PTGS2: variants seen among roughly 807,000 people sequenced by gnomAD.
The protein encoded by PTGS2 is prostaglandin-endoperoxide synthase 2.
PTGS2 carries 14 observed loss-of-function variants against 63.8 expected under a neutral mutation model. The ratio of observed to expected loss-of-function variants is 0.22; its 90% CI spans 0.14 to 0.34. The LOEUF (loss-of-function observed/expected upper bound fraction) is 0.34. PTGS2 is among the 10% of genes least tolerant of loss of function. The pLI, the probability that PTGS2 is intolerant of heterozygous loss-of-function variation, is 1.00. For synonymous variants in PTGS2, 271 were observed against 259.5 expected, an observed-to-expected ratio of 1.04 and a Z score of -0.43; for missense variants, 533 against 738.5, an observed-to-expected ratio of 0.72 and a Z score of 3.23.
intron 4 of PTGS2, 64 bp from the exon 5 acceptor site, chr1:186,677,894 T>A: frequency 1.4e-6 from 2 of 1,452,474 alleles, no homozygotes; most frequent in Non-Finnish European, 1.9e-6. Context: ...ATGGTGACTG[T>A]CAATCTACCA....
rs1005909486 is a variant in PTGS2, at chr1:186,674,701, C to A, written c.1467G>T (p.Leu489=). ...ALYGDIDAVE[L]YPALLVEKPR... Reference sequence around the variant, plus strand: ...GCTTTTCTACCAGAAGGGCAGGATACAGCTCCACAGCATCGATGTCACCAT... The same window carrying A: ...GCTTTTCTACCAGAAGGGCAGGATAAAGCTCCACAGCATCGATGTCACCAT... Residue 489 remains leucine (L), a synonymous_variant, in exon 10 of 10, where the codon CTG becomes CTT. Transcript: ENST00000367468. The A allele has an allele frequency of 8.1e-6, 13 of 1,614,088 alleles. No individual in the cohort carries two copies. Among genetic ancestry groups the A allele is most frequent in the Non-Finnish European group, 1.1e-5 (13 of 1,180,026 alleles).
chr1:186,678,447 G>T (rs1236055405), intron 3 of PTGS2, 43 bp from the exon 4 acceptor site: 2 of 1,505,160 alleles, frequency 1.3e-6, no homozygotes, highest in African/African-American at 1.4e-5. Flanking sequence ...ATTCTCATTT[G>T]TTAAGTAAAT....
rs957513961 is a variant in PTGS2 at position 186,673,355 on chromosome 1, C to G, written c.*998G>C. On this transcript the variant is annotated 3_prime_UTR_variant, in exon 10 of 10. Coordinates refer to ENST00000367468, the MANE Select transcript of PTGS2 (RefSeq NM_000963.4). ...TCATAGCAAAATCTGAGTACCAGGC[C>G]TGCAGTGCACAAGGATAAAAAAAAG... 6.6e-6 allele frequency: 1 copy of G among 152,094 alleles called. No homozygotes were observed. Among genetic ancestry groups the G allele is most frequent in the African/African-American group, 2.4e-5 (1 of 41,416 alleles). The allele number at this position is 152,094 out of a possible 1,614,324, so 9.4% of individuals were successfully genotyped here. A position where few individuals can be genotyped will look rare whatever the true frequency, so the allele number is the denominator to read the frequency against.
In PTGS2 at chr1:186,673,329, C is replaced by T. The variant is rs530994465; in HGVS notation, c.*1024G>A. On this transcript the variant is annotated 3_prime_UTR_variant, in exon 10 of 10. Coordinates refer to ENST00000367468, the MANE Select transcript of PTGS2 (RefSeq NM_000963.4). The stretch of plus-strand genomic sequence containing the variant: ...AAGCACAGCTTGGTACTTCATTAAC[C>T]TCATAGCAAAATCTGAGTACCAGGC... The T allele has an allele frequency of 5.9e-5, 9 of 152,218 alleles. No homozygotes were observed. Among genetic ancestry groups the T allele is most frequent in the African/African-American group, 1.9e-4 (8 of 41,530 alleles). The allele number at this position is 152,218 out of a possible 1,614,324, so 9.4% of individuals were successfully genotyped here.
chr1:186,676,676 T>A lies in PTGS2; in HGVS notation c.761A>T (p.Asp254Val), dbSNP rs1171417967. The change falls in exon 7 of 10, where the codon GAT becomes GTT. Residue 254 changes from aspartate (D) to valine (V), a missense_variant. Physicochemically the swap from Asp to Val is radical, Grantham distance 152 (BLOSUM62 -3). This residue lies in a region of PTGS2 where 118 missense variants were observed against 138.7 expected (regional missense o/e 0.85). Coordinates refer to ENST00000367468, the MANE Select transcript of PTGS2 (RefSeq NM_000963.4). ...DGEMYPPTVK[D>V]TQAEMIYPPQ... ...AGGGTAGATCATCTCTGCCTGAGTA[T>A]CTTTGACTGTGGGAGGATACATCTC... 4 of 1,613,824 alleles carry A rather than the reference T, an allele frequency of 2.5e-6. No individual in the cohort carries two copies. The highest frequency in any genetic ancestry group is 1.3e-5 in the African/African-American group (1 of 74,902).
At position 186,674,203 on chromosome 1, in the gene PTGS2, T is replaced by C. The variant is rs1665738620; in HGVS notation, c.*150A>G. 1.4e-5 allele frequency: 6 copies of C among 435,548 alleles called. No individual in the cohort carries two copies. Among genetic ancestry groups the C allele is most frequent in the South Asian group, 1.2e-4 (1 of 8,482 alleles). 27.0% of individuals were successfully genotyped at this position (435,548 alleles called of 1,614,324 possible). A position where few individuals can be genotyped will look rare whatever the true frequency, so the allele number is the denominator to read the frequency against. On this transcript the variant is annotated 3_prime_UTR_variant, in exon 10 of 10. Transcript: ENST00000367468. ...CTTTAGAGTAGTGACATAAAAGTCT[T>C]CACAAGTATGACTCCTTTCTCCGCA...
At chr1:186,677,988 C>A (rs892153358) in intron 4 of PTGS2, among the ~76,000 whole-genome samples, 158 bp from the exon 5 acceptor site, 5 of 152,134 alleles carry the variant, frequency 3.3e-5, no homozygotes, top group African/African-American at 1.2e-4. Context: ...GGAACAACTT[C>A]TTACTGAATG....
intron 4 of PTGS2, 102 bp from the exon 5 acceptor site, chr1:186,677,932 A>G (rs1197497486): frequency 1.8e-6 from 2 of 1,114,700 alleles, no homozygotes; most frequent in East Asian, 2.6e-5. Flanking sequence ...TGAGAATTAC[A>G]ATTGTGAATA....
In PTGS2 at chr1:186,675,937, G is replaced by T. The variant is rs1419359878; in HGVS notation, c.1218C>A (p.Thr406=). ...NNSILLEHGI[T]QFVESFTRQI... Reference sequence around the variant, plus strand: ...GCCTGGTGAATGATTCAACAAACTGGGTAATTCCATGTTCCAGCAATATAG... The same window carrying T: ...GCCTGGTGAATGATTCAACAAACTGTGTAATTCCATGTTCCAGCAATATAG... The change falls in exon 8 of 10, where the codon ACC becomes ACA. Residue 406 remains threonine, a synonymous_variant. Transcript: ENST00000367468. 2 of 1,613,804 alleles carry T rather than the reference G, an allele frequency of 1.2e-6. No homozygotes were observed. Among genetic ancestry groups the T allele is most frequent in the East Asian group, 4.5e-5 (2 of 44,852 alleles).
At position 186,679,072 on chromosome 1, in the gene PTGS2, C is replaced by T. The variant is rs1378833561; in HGVS notation, c.299G>A (p.Ser100Asn). Reference sequence around the variant, plus strand: ...CTTGTACTTACATGTCAACACATAACTCATAATTGCATTTCGAAGGAAGGG... The same window carrying T: ...CTTGTACTTACATGTCAACACATAATTCATAATTGCATTTCGAAGGAAGGG... ...NIPFLRNAIM[S>N]YVLTSRSHLI... Residue 100 changes from serine to asparagine, a missense_variant, in exon 3 of 10, where the codon AGT becomes AAT. Around this residue, in one of 5 missense-constraint regions of PTGS2, gnomAD observed 118 missense variants for 144.6 expected, o/e 0.82. Coordinates refer to ENST00000367468, the MANE Select transcript of PTGS2 (RefSeq NM_000963.4). 1 of 1,613,762 alleles carries T rather than the reference C, an allele frequency of 6.2e-7. No homozygotes were observed.
At chr1:186,676,940 A>G in intron 5 of PTGS2, 24 bp from the exon 6 acceptor site, 5 of 1,572,696 alleles carry the variant, frequency 3.2e-6, no homozygotes, top group Non-Finnish European at 4.3e-6. Flanking sequence ...AAAAAATTTT[A>G]ATTTGTTGCT....
chr1:186,679,407 G>A lies in PTGS2; in HGVS notation c.84C>T (p.Asn28=), dbSNP rs1366501556. 2.5e-6 allele frequency: 4 copies of A among 1,613,980 alleles called. No homozygotes were observed. The highest frequency in any genetic ancestry group is 3.4e-6 in the Non-Finnish European group (4 of 1,180,018). Residue 28 remains asparagine, a synonymous_variant, in exon 2 of 10, where the codon AAC becomes AAT. Transcript: ENST00000367468. ...ANPCCSHPCQ[N]RGVCMSVGFD... is the part of the protein sequence containing the mutation. ...ATCCCACACTCATACATACACCTCG[G>A]TTTTGACATGGGTGGGAACAGCAAG...
rs753987791 is a variant in PTGS2 at position 186,676,630 on chromosome 1, T to C, written c.807A>G (p.Leu269=). ...AGACCTCCTGCCCCACAGCAAACCG[T>C]AGATGCTCAGGGACTTGAGGAGGGT... ...MIYPPQVPEH[L]RFAVGQEVFG... Residue 269 remains leucine (L), a synonymous_variant, in exon 7 of 10, where the codon CTA becomes CTG. Coordinates refer to ENST00000367468, the MANE Select transcript of PTGS2 (RefSeq NM_000963.4). 1.2e-6 allele frequency: 2 copies of C among 1,614,016 alleles called. No individual in the cohort carries two copies. The highest frequency in any genetic ancestry group is 1.7e-5 in the Admixed American group (1 of 59,994).
Position 186,680,278 on chromosome 1 carries a change from C to A in PTGS2, c.13G>T (p.Ala5Ser). MLAR[A>S]LLLCAVLALS... ...GCCAGGACCGCGCACAGCAGCAGGG[C>A]GCGGGCGAGCATCGCAGCGGCGGGC... Residue 5 changes from alanine (A) to serine (S), a missense_variant, in exon 1 of 10, where the codon GCC becomes TCC. Transcript: ENST00000367468. The A allele has an allele frequency of 1.3e-6, 2 of 1,544,338 alleles. No homozygotes were observed. The highest frequency in any genetic ancestry group is 1.7e-6 in the Non-Finnish European group (2 of 1,143,810).
rs1168880845 is a variant in PTGS2 at position 186,674,635 on chromosome 1, A to G, written c.1533T>C (p.Val511=). 6.2e-7 allele frequency: 1 copy of G among 1,614,216 alleles called. No individual in the cohort carries two copies. Among genetic ancestry groups the G allele is most frequent in the South Asian group, 1.1e-5 (1 of 91,084 alleles). Residue 511 remains valine, a synonymous_variant, in exon 10 of 10, where the codon GTT becomes GTC. Coordinates refer to ENST00000367468, the MANE Select transcript of PTGS2 (RefSeq NM_000963.4). The part of the protein sequence containing the change: ...DAIFGETMVE[V]GAPFSLKGLM... ...GTCCTTTCAAGGAGAATGGTGCTCC[A>G]ACTTCTACCATGGTTTCACCAAAGA...
rs1665702981 is a variant in PTGS2, at chr1:186,672,314, C to T, written c.*2039G>A. 1 of 152,124 alleles carries T rather than the reference C, an allele frequency of 6.6e-6. No individual in the cohort carries two copies. 9.4% of individuals were successfully genotyped at this position (152,124 alleles called of 1,614,324 possible). On this transcript the variant is annotated 3_prime_UTR_variant, in exon 10 of 10. Transcript: ENST00000367468. ...ATTTTAAAAGGTCAGTCTTATGGCA[C>T]ATTCAGGCTAATGAGACAATATTCT...
chr1:186,678,475 G>C (rs555227121), intron 3 of PTGS2, 71 bp from the exon 4 acceptor site: 1 of 1,396,408 alleles, frequency 7.2e-7, no homozygotes, highest in Admixed American at 2.5e-5. Context: ...TATTTTTATT[G>C]TAAAATGTGG....
intron 8 of PTGS2, 190 bp downstream of exon 8, chr1:186,675,708 C>T (rs1166580947): frequency 1.5e-6 from 1 of 662,142 alleles, no homozygotes; most frequent in African/African-American, 1.8e-5. Flanking sequence ...TGCTATTTGT[C>T]TGACAACTGT....
rs1665736363 is a variant in PTGS2, at chr1:186,674,081, A to G, written c.*272T>C. ...TCTTTACTTTCGTTCTTATAATATA[A>G]GTTGAAATTCAAGTAAAAAGACGTC... is the stretch of plus-strand genomic sequence containing the variant. On this transcript the variant is annotated 3_prime_UTR_variant, in exon 10 of 10. Transcript: ENST00000367468. The G allele has an allele frequency of 1.1e-5, 2 of 178,692 alleles. No individual in the cohort carries two copies. The highest frequency in any genetic ancestry group is 4.7e-5 in the African/African-American group (2 of 42,214). The allele number at this position is 178,692 out of a possible 1,614,324, so 11.1% of individuals were successfully genotyped here. A position where few individuals can be genotyped will look rare whatever the true frequency, so the allele number is the denominator to read the frequency against.
Sources: gnomAD v4.1 joint callset for allele counts (sites outside exome capture counted in the v4.1 genomes callset) on GRCh38, gnomAD v4.1.1 for gene constraint, gnomAD v4.1.1 regional missense constraint, MANE v1.5 for transcripts, NCBI Gene and HGNC (gene_info 2026-07-23, HGNC 2026-07-21) for gene names.